Variants in GABRB1 observed in about 807,000 individuals in gnomAD.
GABRB1 encodes the protein gamma-aminobutyric acid receptor subunit beta-1.
In GABRB1, 17 loss-of-function variants were observed where a neutral mutation model predicts 51.6. That is an observed-to-expected ratio of 0.33 (90% CI 0.23 to 0.49). The LOEUF is 0.49. Among genes scored for constraint, GABRB1 ranks in the 20% least tolerant of loss-of-function variants. The pLI, the probability that GABRB1 is intolerant of heterozygous loss-of-function variation, is 0.99. For synonymous variants in GABRB1, 247 were observed against 218.9 expected (o/e 1.13, Z -1.14); for missense variants, 410 against 600.6 (o/e 0.68, Z 3.32).
chr4:47,362,930 T>G (rs1349620115), intron 5 of GABRB1, among the ~76,000 whole-genome samples: 1 of 152,062 alleles, frequency 6.6e-6, no homozygotes, highest in Admixed American at 6.6e-5. Flanking sequence ...TAGTACACTG[T>G]GAACATGCCA....
intron 3 of GABRB1, among the ~76,000 whole-genome samples, chr4:47,055,437 A>G (rs1252586450): frequency 6.6e-6 from 1 of 152,208 alleles, no homozygotes; most frequent in African/African-American, 2.4e-5. Flanking sequence ...TACCTGTTTT[A>G]GTGTAGAAGG....
chr4:47,179,819 G>C (rs952235531), intron 4 of GABRB1, among the ~76,000 whole-genome samples: 7 of 152,012 alleles, frequency 4.6e-5, no homozygotes, highest in African/African-American at 1.7e-4. Flanking sequence ...ACTAACCTGT[G>C]CCTTGACTCT....
intron 3 of GABRB1, among the ~76,000 whole-genome samples, chr4:47,108,228 A>T (rs1309685279): frequency 1.3e-5 from 2 of 152,070 alleles, no homozygotes; most frequent in Non-Finnish European, 2.9e-5. Flanking sequence ...TGGAATTTTT[A>T]AAAGAATACT....
chr4:47,123,583 AT>A (rs1297345976), intron 3 of GABRB1, among the ~76,000 whole-genome samples: 13 of 37,306 alleles, frequency 3.5e-4, no homozygotes, highest in African/African-American at 7.7e-4. Flanking sequence ...TATTTCATAT[AT>A]TATAATATAT....
chr4:47,048,575 T>C (rs761745786), intron 3 of GABRB1, among the ~76,000 whole-genome samples: 2 of 152,168 alleles, frequency 1.3e-5, no homozygotes, highest in Admixed American at 6.6e-5. Context: ...GGAAAAAAGA[T>C]AACCCATAAG....
intron 5 of GABRB1, among the ~76,000 whole-genome samples, chr4:47,342,143 T>C (rs1725923499): frequency 1.3e-5 from 2 of 152,184 alleles, no homozygotes; most frequent in South Asian, 4.1e-4. Flanking sequence ...AAAAGTTTTT[T>C]TGTTATTTTT....
chr4:47,298,742 A>G (rs1321157556), intron 4 of GABRB1, among the ~76,000 whole-genome samples: 2 of 152,228 alleles, frequency 1.3e-5, no homozygotes, highest in Non-Finnish European at 2.9e-5. Context: ...AAACTACTTT[A>G]AAGTTCATAT....
intron 3 of GABRB1, among the ~76,000 whole-genome samples, chr4:47,083,627 G>C (rs1051452548): frequency 6.6e-6 from 1 of 151,944 alleles, no homozygotes; most frequent in Admixed American, 6.6e-5. Context: ...CTATTTCCTG[G>C]GTCTGTCACA....
intron 3 of GABRB1, among the ~76,000 whole-genome samples, chr4:47,123,314 ATAT>A (rs1303436125): frequency 1.6e-4 from 21 of 132,292 alleles, no homozygotes; most frequent in Middle Eastern, 3.7e-3. Flanking sequence ...GTATTATATA[ATAT>A]TATATATATT....
chr4:47,377,122 T>A (rs1412490487), intron 5 of GABRB1, among the ~76,000 whole-genome samples: 1 of 152,134 alleles, frequency 6.6e-6, no homozygotes, highest in Non-Finnish European at 1.5e-5. Context: ...AGATACGCAG[T>A]GAATGTGTTT....
At chr4:47,139,218 G>A (rs1280309646) in intron 3 of GABRB1, among the ~76,000 whole-genome samples, 11 of 151,972 alleles carry the variant, frequency 7.2e-5, no homozygotes, top group Admixed American at 2.6e-4. Context: ...AGACTGGGAT[G>A]CCTCTAAAAC....
intron 3 of GABRB1, among the ~76,000 whole-genome samples, chr4:47,140,125 C>G (rs1716865104): frequency 6.6e-6 from 1 of 151,204 alleles, no homozygotes; most frequent in South Asian, 2.1e-4. Flanking sequence ...CACACACACA[C>G]ACACACACAC....
chr4:47,301,389 C>A (rs546929099), intron 4 of GABRB1, among the ~76,000 whole-genome samples: 26 of 152,214 alleles, frequency 1.7e-4, no homozygotes, highest in South Asian at 8.3e-4. Context: ...GTAATTCCAA[C>A]ACTTTGGTAG....
intron 1 of GABRB1, among the ~76,000 whole-genome samples, chr4:47,011,461 G>C (rs970265005): frequency 3.3e-5 from 5 of 152,112 alleles, no homozygotes; most frequent in African/African-American, 1.2e-4. Context: ...CTAGGTGCAA[G>C]AATGAATAAG....
intron 4 of GABRB1, among the ~76,000 whole-genome samples, chr4:47,198,852 G>A (rs542244617): frequency 4.6e-5 from 7 of 152,166 alleles, no homozygotes; most frequent in Admixed American, 3.3e-4. Context: ...CATGGCAGGA[G>A]GCAAAGGGAA....
chr4:47,333,907 G>C (rs1016039064), intron 5 of GABRB1, among the ~76,000 whole-genome samples: 1 of 152,170 alleles, frequency 6.6e-6, no homozygotes, highest in Admixed American at 6.6e-5. Flanking sequence ...CTCCTAGTAC[G>C]TTATTGCATT....
intron 4 of GABRB1, among the ~76,000 whole-genome samples, chr4:47,163,770 C>T (rs146800885): frequency 6.6e-6 from 1 of 152,018 alleles, no homozygotes; most frequent in East Asian, 1.9e-4. Flanking sequence ...CCAGTTGATG[C>T]CCTTCAGTAA....
chr4:47,359,371 G>A (rs940783676), intron 5 of GABRB1, among the ~76,000 whole-genome samples: 2 of 152,096 alleles, frequency 1.3e-5, no homozygotes, highest in Non-Finnish European at 2.9e-5. Flanking sequence ...TTTAATAGCA[G>A]TGAAATCATC....
rs552915760 is a variant in GABRB1 at position 47,261,773 on chromosome 4, C to G, written c.462-58354C>G. ...CAAAAGAACAAAGCTGGAGGCATCA[C>G]GCTACCTGACTTCAAACTATACTAC... On this transcript the variant is annotated intron_variant, in intron 4 of 8. Transcript: ENST00000295454. 1.4e-4 allele frequency among the ~76,000 whole-genome samples: 21 copies of G among 152,264 alleles called. No homozygotes were observed. In the South Asian group the frequency reaches 4.4e-3, roughly 32 times the overall value.
Sources: gnomAD v4.1 joint callset for allele counts (sites outside exome capture counted in the v4.1 genomes callset) on GRCh38, gnomAD v4.1.1 for gene constraint, MANE v1.5 for transcripts, NCBI Gene and HGNC (gene_info 2026-07-23, HGNC 2026-07-21) for gene names.